DOCK2: variants seen among roughly 807,000 people sequenced by gnomAD.
The protein encoded by DOCK2 is dedicator of cytokinesis 2, also known as dedicator of cytokinesis protein 2.
DOCK2 carries 87 observed loss-of-function variants against 248.9 expected under a neutral mutation model. The ratio of observed to expected loss-of-function variants is 0.35; its 90% CI spans 0.29 to 0.42. The LOEUF is 0.42. DOCK2 is among the 10% of genes least tolerant of loss of function. The probability of loss-of-function intolerance (pLI) is 1.00; values close to 1 mark genes in which losing one functional copy is unlikely to be tolerated. For missense variants in DOCK2, 1,747 were observed against 2,300.2 expected (o/e 0.76, Z 4.92); for synonymous variants, 805 against 821.6 (o/e 0.98, Z 0.35).
At chr5:169,669,823 C>A (rs562616774) in intron 3 of DOCK2, among the ~76,000 whole-genome samples, 148 of 152,276 alleles carry the variant, frequency 9.7e-4, no homozygotes, top group African/African-American at 3.3e-3. Context: ...TCTCACAGCA[C>A]CTAGCACAGT....
chr5:170,013,301 T>G (rs919252771), intron 32 of DOCK2, among the ~76,000 whole-genome samples: 1 of 152,084 alleles, frequency 6.6e-6, no homozygotes, highest in East Asian at 1.9e-4. Context: ...CATCGAGCAC[T>G]GTGGTAGGCT....
intron 27 of DOCK2, among the ~76,000 whole-genome samples, chr5:169,971,071 C>G (rs947637559): frequency 8.6e-5 from 13 of 151,814 alleles, no homozygotes; most frequent in Admixed American, 7.9e-4. Flanking sequence ...AGTCAGCAGG[C>G]AGCTAATGCG....
intron 27 of DOCK2, among the ~76,000 whole-genome samples, chr5:169,916,007 G>A (rs909421033): frequency 1.3e-5 from 2 of 152,288 alleles, no homozygotes; most frequent in Admixed American, 6.5e-5. Context: ...TATTACAAAT[G>A]TTCTCAGATT....
intron 14 of DOCK2, among the ~76,000 whole-genome samples, chr5:169,704,757 ATATGTGTGTG>A (rs1420190096): frequency 8.5e-6 from 1 of 118,264 alleles, no homozygotes; most frequent in East Asian, 2.7e-4. Context: ...TACTCCATAT[ATATGTGTGTG>A]TGTGTGTGTG....
chr5:169,675,248 G>A (rs1160832796), intron 6 of DOCK2, among the ~76,000 whole-genome samples: 2 of 152,110 alleles, frequency 1.3e-5, no homozygotes, highest in Non-Finnish European at 2.9e-5. Context: ...GGGCCTCCTG[G>A]AGTGGAGTCC....
chr5:169,644,112 C>A (rs1181083717), intron 1 of DOCK2, among the ~76,000 whole-genome samples: 2 of 152,152 alleles, frequency 1.3e-5, no homozygotes, highest in African/African-American at 4.8e-5. Context: ...GGAATGGATT[C>A]TCTGAGAGAG....
intron 45 of DOCK2, among the ~76,000 whole-genome samples, chr5:170,068,531 C>T (rs1757574066): frequency 6.6e-6 from 1 of 152,212 alleles, no homozygotes; most frequent in Non-Finnish European, 1.5e-5. Context: ...CTTCCAACTA[C>T]CCTCAGATAC....
rs1421492655 is a variant in DOCK2, at chr5:170,045,925, G to C, written c.3966+20G>C. On this transcript the variant is annotated intron_variant, in intron 39 of 51. Coordinates refer to ENST00000520908, the MANE Select transcript of DOCK2 (RefSeq NM_004946.3). ...AACCTGGTAAGGCATCCCCTGGGAA[G>C]GCTGAATGCCCTGCAGGCTGGGTGC... 6.2e-7 allele frequency: 1 copy of C among 1,612,894 alleles called. No individual in the cohort carries two copies. Among genetic ancestry groups the C allele is most frequent in the East Asian group, 2.2e-5 (1 of 44,878 alleles).
intron 2 of DOCK2, among the ~76,000 whole-genome samples, chr5:169,668,536 GT>G (rs1010418364): frequency 6.6e-6 from 1 of 152,054 alleles, no homozygotes; most frequent in Admixed American, 6.5e-5. Flanking sequence ...TGACAGACGC[GT>G]TTTATTTACA....
chr5:169,927,370 A>C lies in DOCK2; in HGVS notation c.2800-55698A>C, dbSNP rs897270903. On this transcript the variant is annotated intron_variant, in intron 27 of 51. Transcript: ENST00000520908. The stretch of plus-strand genomic sequence containing the variant: ...AGAATCACCTGGAGATTCAATAGAG[A>C]TTGCTGGACCCCATCCCTAGAGATG... Among the ~76,000 whole-genome samples the C allele has an allele frequency of 9.9e-5, 15 of 152,152 alleles. 1 individual carries two copies. In the South Asian group the frequency reaches 1.0e-3, roughly 11 times the overall value.
In DOCK2 at chr5:169,717,412, G is replaced by A. The variant is rs1761962774; in HGVS notation, c.2060G>A (p.Arg687Gln). The A allele has an allele frequency of 1.2e-6, 2 of 1,613,800 alleles. No individual in the cohort carries two copies. Among genetic ancestry groups the A allele is most frequent in the South Asian group, 1.1e-5 (1 of 91,064 alleles). Residue 687 changes from arginine to glutamine, a missense_variant, in exon 21 of 52, where the codon CGG (arginine) becomes CAG (glutamine). Arg to Gln is a conservative substitution (Grantham distance 43). Transcript: ENST00000520908. ...TACATAATAGGACTCATTGCAGACC[G>A]GAAATTTCAGCATTTCAACACCGTT... Reference protein sequence around the residue: ...LIYIIGLIADRKFQHFNTVLE... With the variant: ...LIYIIGLIADQKFQHFNTVLE...
intron 25 of DOCK2, among the ~76,000 whole-genome samples, chr5:169,802,017 A>G (rs1256868232): frequency 1.3e-5 from 2 of 149,826 alleles, no homozygotes; most frequent in Non-Finnish European, 1.5e-5. Context: ...AGCTTGACAC[A>G]TGTTTGGATT....
At chr5:169,969,935 T>C (rs1411465289) in intron 27 of DOCK2, among the ~76,000 whole-genome samples, 1 of 152,270 alleles carries the variant, frequency 6.6e-6, no homozygotes, top group Non-Finnish European at 1.5e-5. Flanking sequence ...CTTCTGGTTT[T>C]TAATTGTTGA....
intron 27 of DOCK2, among the ~76,000 whole-genome samples, chr5:169,936,232 A>G (rs1266327169): frequency 6.6e-6 from 1 of 152,244 alleles, no homozygotes; most frequent in Non-Finnish European, 1.5e-5. Flanking sequence ...CCCAAGCGTG[A>G]TAACACTTCC....
chr5:169,671,929 G>T (rs559781169), intron 5 of DOCK2, among the ~76,000 whole-genome samples: 6 of 152,272 alleles, frequency 3.9e-5, no homozygotes, highest in Non-Finnish European at 8.8e-5. Context: ...TTTTAGAAAA[G>T]TGTAGGGGAA....
intron 27 of DOCK2, among the ~76,000 whole-genome samples, chr5:169,933,372 TG>T (rs1775845662): frequency 6.6e-6 from 1 of 152,180 alleles, no homozygotes. Flanking sequence ...TTCATTAGTT[TG>T]TGAGATGGGC....
At chr5:169,714,269 C>CGTGTGTGTGT in intron 18 of DOCK2, 58 bp downstream of exon 18, 4 of 1,606,270 alleles carry the variant, frequency 2.5e-6, no homozygotes, top group South Asian at 1.1e-5. Context: ...TGTGTGTGTA[C>CGTGTGTGTGT]ATGTGTGTAT....
At chr5:170,079,571 G>A (rs1001277189) in intron 49 of DOCK2, 1 of 181,232 alleles carries the variant, frequency 5.5e-6, no homozygotes, top group Non-Finnish European at 1.2e-5. Flanking sequence ...TGTGCCAGGA[G>A]TCCAGGTGGG....
At chr5:170,035,380 C>A (rs1345589994) in intron 35 of DOCK2, among the ~76,000 whole-genome samples, 1 of 152,190 alleles carries the variant, frequency 6.6e-6, no homozygotes, top group Non-Finnish European at 1.5e-5. Context: ...TGTGGCCTCC[C>A]TTTACCCTAA....
Sources: allele counts gnomAD v4.1 joint callset (sites outside exome capture counted in the v4.1 genomes callset), GRCh38; gene constraint gnomAD v4.1.1; transcripts MANE v1.5; gene names NCBI Gene and HGNC (gene_info 2026-07-23, HGNC 2026-07-21).